FRAS1: variants seen among roughly 807,000 people sequenced by gnomAD.
FRAS1 encodes Fraser extracellular matrix complex subunit 1.
Under a neutral mutation model 435.2 loss-of-function variants are expected in FRAS1, and 290 were observed. The observed-to-expected ratio is 0.67, with a 90% CI of 0.61 to 0.73. The LOEUF is 0.73. FRAS1 is among the 30% of genes least tolerant of loss of function. FRAS1 has a pLI of 0.00. For missense variants in FRAS1, 4,860 were observed against 5,001.5 expected, an observed-to-expected ratio of 0.97 and a Z score of 0.85; for synonymous variants, 1,800 against 1,851.0, an observed-to-expected ratio of 0.97 and a Z score of 0.71.
At chr4:78,090,227 T>C (rs1340501890) in intron 2 of FRAS1, among the ~76,000 whole-genome samples, 1 of 152,166 alleles carries the variant, frequency 6.6e-6, no homozygotes, top group East Asian at 1.9e-4. Flanking sequence ...TTTATGACCA[T>C]GCAAGAGGCA....
chr4:78,421,414 T>C (rs534105880), intron 33 of FRAS1, among the ~76,000 whole-genome samples: 9 of 152,090 alleles, frequency 5.9e-5, no homozygotes, highest in Non-Finnish European at 1.3e-4. Flanking sequence ...TCCCAAAGTG[T>C]TGGGATTATG....
At chr4:78,071,121 GA>G (rs1169994882) in intron 2 of FRAS1, 1 of 152,154 alleles carries the variant, frequency 6.6e-6, no homozygotes, top group Non-Finnish European at 1.5e-5. Flanking sequence ...TAGCAAATTT[GA>G]AAGAATATTT....
At chr4:78,239,498 G>C (rs1724911240) in intron 3 of FRAS1, among the ~76,000 whole-genome samples, 1 of 152,082 alleles carries the variant, frequency 6.6e-6, no homozygotes, top group Non-Finnish European at 1.5e-5. Context: ...AGTAGCCACA[G>C]TGATCCTAAT....
intron 2 of FRAS1, among the ~76,000 whole-genome samples, chr4:78,157,223 C>A (rs1720931846): frequency 6.6e-6 from 1 of 152,186 alleles, no homozygotes; most frequent in Non-Finnish European, 1.5e-5. Flanking sequence ...CCCAGTTCAC[C>A]ATTGATGGGC....
intron 2 of FRAS1, chr4:78,181,328 G>A (rs368878723): frequency 3.7e-6 from 6 of 1,609,580 alleles, no homozygotes; most frequent in Middle Eastern, 2.2e-4. Flanking sequence ...TGTTTCGTCA[G>A]TCACATTTGA....
chr4:78,101,080 A>G (rs1279399427), intron 2 of FRAS1, among the ~76,000 whole-genome samples: 1 of 151,908 alleles, frequency 6.6e-6, no homozygotes, highest in Non-Finnish European at 1.5e-5. Context: ...TAACATGTAT[A>G]CACACCCCTT....
intron 29 of FRAS1, among the ~76,000 whole-genome samples, chr4:78,391,228 A>C (rs1055757575): frequency 2.6e-5 from 4 of 152,170 alleles, no homozygotes; most frequent in African/African-American, 9.7e-5. Flanking sequence ...ACTTCCCCCA[A>C]ACTTAAGTTT....
At chr4:78,372,910 G>C in intron 24 of FRAS1, 52 bp downstream of exon 24, 1 of 1,570,710 alleles carries the variant, frequency 6.4e-7, no homozygotes, top group Non-Finnish European at 8.6e-7. Context: ...GGCCACCTCT[G>C]ATTTGTACTG....
At chr4:78,087,461 A>C (rs538971882) in intron 2 of FRAS1, among the ~76,000 whole-genome samples, 2 of 152,214 alleles carry the variant, frequency 1.3e-5, no homozygotes, top group Admixed American at 1.3e-4. Flanking sequence ...AGGGTATTCA[A>C]TTAGGAAAAG....
chr4:78,260,453 CT>C (rs770466101), intron 6 of FRAS1, among the ~76,000 whole-genome samples: 27 of 152,170 alleles, frequency 1.8e-4, no homozygotes, highest in South Asian at 4.2e-4. Flanking sequence ...GTATTTTATT[CT>C]CTTTGAAGCA....
chr4:78,532,623 C>CGCTCCTT (rs1560429179), intron 70 of FRAS1, among the ~76,000 whole-genome samples: 2 of 152,064 alleles, frequency 1.3e-5, no homozygotes. Flanking sequence ...TCCCCCTCCT[C>CGCTCCTT]GTCGCTCCTG....
intron 4 of FRAS1, 82 bp downstream of exon 4, chr4:78,245,407 T>A: frequency 1.0e-6 from 1 of 1,000,696 alleles, no homozygotes; most frequent in Non-Finnish European, 1.5e-6. Flanking sequence ...CTTGTGTTGA[T>A]GAGAGTTTTT....
At chr4:78,385,884 A>T (rs1383561821) in intron 28 of FRAS1, among the ~76,000 whole-genome samples, 5 of 131,578 alleles carry the variant, frequency 3.8e-5, no homozygotes, top group African/African-American at 6.3e-5. Flanking sequence ...GACTCTGTCT[A>T]AAAAAAAAAA....
chr4:78,366,122 G>A (rs1731258693), intron 22 of FRAS1, among the ~76,000 whole-genome samples: 1 of 152,132 alleles, frequency 6.6e-6, no homozygotes, highest in African/African-American at 2.4e-5. Context: ...AAGGAAGTAA[G>A]GACTGGAGAG....
At chr4:78,367,097 G>C (rs553126522) in intron 22 of FRAS1, among the ~76,000 whole-genome samples, 15 of 152,228 alleles carry the variant, frequency 9.9e-5, no homozygotes, top group South Asian at 2.1e-4. Context: ...TTCCACGGGG[G>C]AATGAGTACT....
At chr4:78,325,550 G>A (rs1729685387) in intron 18 of FRAS1, among the ~76,000 whole-genome samples, 1 of 152,192 alleles carries the variant, frequency 6.6e-6, no homozygotes, top group Non-Finnish European at 1.5e-5. Context: ...GTGCTGACAT[G>A]CGCTGTACAA....
At chr4:78,114,098 T>G (rs1204798552) in intron 2 of FRAS1, among the ~76,000 whole-genome samples, 1 of 152,202 alleles carries the variant, frequency 6.6e-6, no homozygotes, top group African/African-American at 2.4e-5. Context: ...TCTTTCCCCA[T>G]TGCTTGTTTT....
In FRAS1 at chr4:78,534,536, T is replaced by A; in HGVS notation, c.11013T>A (p.Asn3671Lys). 6.2e-7 allele frequency: 1 copy of A among 1,613,684 alleles called. No individual in the cohort carries two copies. Among genetic ancestry groups the A allele is most frequent in the Non-Finnish European group, 8.5e-7 (1 of 1,179,600 alleles). ...SLNTEFQLCN[N>K]EKVFLMDPNT... ...ACACTGAATTTCAGCTCTGCAATAA[T>A]GAGAAGGTGTTCCTAATGGATCCCA... is the stretch of plus-strand genomic sequence containing the variant. The change falls in exon 71 of 74, where the codon AAT becomes AAA. Residue 3671 changes from asparagine (N) to lysine (K), a missense_variant. By Grantham distance (94) the Asn-to-Lys change is moderately conservative. Transcript: ENST00000512123.
rs896962787 is a variant in FRAS1 at position 78,102,428 on chromosome 4, A to G, written c.108+36412A>G. ...ACTTCATATTAAATGAATGAACTCT[A>G]AGTACCCATATGCTAATTGGATTTA... On this transcript the variant is annotated intron_variant, in intron 2 of 73. Transcript: ENST00000512123. Among the ~76,000 whole-genome samples, 4 of 152,296 alleles carry G rather than the reference A, an allele frequency of 2.6e-5. No homozygotes were observed. The East Asian group carries it at 7.7e-4, about 29-fold the overall frequency.
Sources: gnomAD v4.1 joint callset for allele counts (sites outside exome capture counted in the v4.1 genomes callset) on GRCh38, gnomAD v4.1.1 for gene constraint, MANE v1.5 for transcripts, NCBI Gene and HGNC (gene_info 2026-07-23, HGNC 2026-07-21) for gene names.